The following GLI2 variants were observed in gnomAD, a reference collection of about 807,000 sequenced individuals.
The protein encoded by GLI2 is transcription activator GLI2.
A neutral mutation model predicts 78.9 loss-of-function variants in GLI2; 22 were observed. The observed-to-expected ratio is 0.28, with a 90% CI of 0.20 to 0.40. GLI2 has a LOEUF of 0.40. GLI2 is among the 10% of genes least tolerant of loss of function. The pLI, the probability that GLI2 is intolerant of heterozygous loss-of-function variation, is 1.00. For synonymous variants in GLI2, 974 were observed against 963.7 expected (o/e 1.01, Z -0.20); for missense variants, 2,097 against 2,213.2 (o/e 0.95, Z 1.05).
At chr2:120,829,140 C>T (rs138306760) in intron 2 of GLI2, among the ~76,000 whole-genome samples, 159 of 152,260 alleles carry the variant, frequency 1.0e-3, no homozygotes, top group African/African-American at 3.5e-3. Flanking sequence ...ACCATCACCA[C>T]GTGCACACCC....
intron 2 of GLI2, among the ~76,000 whole-genome samples, chr2:120,850,702 GGAGGGACTCCAGAA>G (rs1687366024): frequency 6.6e-6 from 1 of 152,150 alleles, no homozygotes; most frequent in South Asian, 2.1e-4. Flanking sequence ...GGATTCCAGG[GGAGGGACTCCAGAA>G]GAGGGCTGCA....
intron 1 of GLI2, among the ~76,000 whole-genome samples, chr2:120,774,918 C>G (rs1232323445): frequency 6.6e-6 from 1 of 152,214 alleles, no homozygotes; most frequent in East Asian, 1.9e-4. Context: ...TGTGATGTGG[C>G]CCCCTGCCCA....
rs1029989575 is a variant in GLI2 at position 120,991,018 on chromosome 2, C to T, written c.*343C>T. ...TAACGAGGGATTACTTTGGCCAAAA[C>T]CTTTCAAAGGATATGCAGAAAGATG... On this transcript the variant is annotated 3_prime_UTR_variant, in exon 14 of 14. Transcript: ENST00000361492. 3.8e-6 allele frequency: 1 copy of T among 262,958 alleles called. No homozygotes were observed. The highest frequency in any genetic ancestry group is 7.2e-6 in the Non-Finnish European group (1 of 137,970). 16.3% of individuals were successfully genotyped at this position (262,958 alleles called of 1,614,324 possible).
intron 2 of GLI2, among the ~76,000 whole-genome samples, chr2:120,819,850 A>G (rs1685680076): frequency 6.6e-6 from 1 of 152,208 alleles, no homozygotes; most frequent in Non-Finnish European, 1.5e-5. Flanking sequence ...AAGAGAAGTC[A>G]TTTCCAGATA....
intron 2 of GLI2, among the ~76,000 whole-genome samples, chr2:120,909,827 T>G (rs1021402247): frequency 5.3e-5 from 8 of 152,210 alleles, no homozygotes; most frequent in Non-Finnish European, 1.2e-4. Context: ...ATCACGCCAC[T>G]GCACTCCGGC....
chr2:120,800,907 G>A lies in GLI2; in HGVS notation c.148+3439G>A, dbSNP rs905364165. On this transcript the variant is annotated intron_variant, in intron 2 of 13. Transcript: ENST00000361492. The surrounding 1 kb of genome is among the most constrained non-coding windows in gnomAD (Gnocchi z 4.1). ...ATCTGAGGATGTCAGGGGCGCAGTG[G>A]TGAGGAAACAGCCAAATCCTGCAAG... 2.0e-5 allele frequency among the ~76,000 whole-genome samples: 3 copies of A among 152,178 alleles called. No homozygotes were observed. Among genetic ancestry groups the A allele is most frequent in the East Asian group, 1.9e-4 (1 of 5,190 alleles).
chr2:120,934,021 C>T (rs1199318075), intron 3 of GLI2, among the ~76,000 whole-genome samples: 1 of 152,228 alleles, frequency 6.6e-6, no homozygotes, highest in African/African-American at 2.4e-5. Context: ...TGCCCATTCT[C>T]AGGCCCTGGC....
chr2:120,945,849 C>G (rs1680680044), intron 3 of GLI2, among the ~76,000 whole-genome samples: 2 of 152,228 alleles, frequency 1.3e-5, no homozygotes, highest in South Asian at 4.1e-4. Flanking sequence ...ATCACCTGGG[C>G]TCAGGTCATG....
At chr2:120,817,991 CA>C (rs1488881918) in intron 2 of GLI2, among the ~76,000 whole-genome samples, 1 of 152,226 alleles carries the variant, frequency 6.6e-6, no homozygotes, top group Non-Finnish European at 1.5e-5. Context: ...CTGGTTTGCC[CA>C]GGGCCTCACA....
At chr2:120,944,728 C>G (rs1349363330) in intron 3 of GLI2, among the ~76,000 whole-genome samples, 1 of 152,250 alleles carries the variant, frequency 6.6e-6, no homozygotes, top group Non-Finnish European at 1.5e-5. Flanking sequence ...CCACCTCCAG[C>G]TCTGCAACCG....
intron 2 of GLI2, among the ~76,000 whole-genome samples, chr2:120,809,994 C>T (rs1167266438): frequency 6.6e-6 from 1 of 152,204 alleles, no homozygotes; most frequent in African/African-American, 2.4e-5. Context: ...GAGAGATGCC[C>T]TGTGAGCATT....
At position 120,852,125 on chromosome 2, in the gene GLI2, G is replaced by C. The variant is rs138910798; in HGVS notation, c.148+54657G>C. ...CCCAGGCCCAGAGTGAGTGGGGAAG[G>C]CCCTAAGGGAGTTGTAGGATTAGAA... On this transcript the variant is annotated intron_variant, in intron 2 of 13. Coordinates refer to ENST00000361492, the MANE Select transcript of GLI2 (RefSeq NM_001374353.1). Among the ~76,000 whole-genome samples the C allele has an allele frequency of 5.8e-3, 884 of 152,330 alleles. 7 individuals carry two copies. The highest frequency in any genetic ancestry group is 8.0e-3 in the Non-Finnish European group (547 of 68,022).
chr2:120,766,285 A>G (rs2104651387), intron 1 of GLI2, among the ~76,000 whole-genome samples: 1 of 152,338 alleles, frequency 6.6e-6, no homozygotes, highest in Non-Finnish European at 1.5e-5. Context: ...CCTGCCACCC[A>G]GACAGTGTGA....
At position 120,984,640 on chromosome 2, in the gene GLI2, C is replaced by A. The variant is rs763082072; in HGVS notation, c.1802C>A (p.Ala601Asp). ...PLLKENGDSE[A>D]GTEPGGPEST... is the part of the protein sequence containing the mutation. ...CTCAAAGAGAATGGGGACAGTGAGG[C>A]CGGCACGGAGCCTGGCGGCCCAGAG... Residue 601 changes from alanine (A) to aspartate (D), a missense_variant, in exon 12 of 14, where the codon GCC (alanine) becomes GAC (aspartate). Physicochemically the swap from Ala to Asp is moderately radical, Grantham distance 126. Around this residue, in one of 5 missense-constraint regions of GLI2, gnomAD observed 57 missense variants for 44.5 expected, o/e 1.28. Transcript: ENST00000361492. The A allele has an allele frequency of 6.2e-7, 1 of 1,614,164 alleles. No homozygotes were observed. Among genetic ancestry groups the A allele is most frequent in the Non-Finnish European group, 8.5e-7 (1 of 1,180,016 alleles).
chr2:120,913,156 CT>C (rs1225058021), intron 2 of GLI2, among the ~76,000 whole-genome samples: 1 of 152,192 alleles, frequency 6.6e-6, no homozygotes, highest in Non-Finnish European at 1.5e-5. Context: ...ATTGATGGGA[CT>C]TTTACTAAGC....
At chr2:120,816,361 A>G (rs1421622054) in intron 2 of GLI2, among the ~76,000 whole-genome samples, 3 of 151,924 alleles carry the variant, frequency 2.0e-5, no homozygotes, top group African/African-American at 7.3e-5. Flanking sequence ...ATGCCCGGCT[A>G]ATTTTTGTAT....
At chr2:120,756,736 A>G (rs1558781837) in intron 1 of GLI2, among the ~76,000 whole-genome samples, 1 of 152,152 alleles carries the variant, frequency 6.6e-6, no homozygotes. Flanking sequence ...TTTCTTTATC[A>G]TCTCTACTAA....
intron 1 of GLI2, among the ~76,000 whole-genome samples, chr2:120,778,875 A>C (rs1683758222): frequency 6.6e-6 from 1 of 152,212 alleles, no homozygotes; most frequent in Non-Finnish European, 1.5e-5. Flanking sequence ...GTTGAACCAG[A>C]GGAAGGTGTA....
rs927249377 is a variant in GLI2 at position 120,976,690 on chromosome 2, A to G, written c.1317+1581A>G. The stretch of plus-strand genomic sequence containing the variant: ...AGCAGGCACGGAATTCCTCAGATGA[A>G]TGCGGAGGGTCCCCAAACTGGGAGG... On this transcript the variant is annotated intron_variant, in intron 9 of 13. Coordinates refer to ENST00000361492, the MANE Select transcript of GLI2 (RefSeq NM_001374353.1). Among the ~76,000 whole-genome samples, 5 of 152,318 alleles carry G rather than the reference A, an allele frequency of 3.3e-5. No individual in the cohort carries two copies. The South Asian group carries it at 1.0e-3, about 32-fold the overall frequency.
Sources: gnomAD v4.1 joint callset for allele counts (sites outside exome capture counted in the v4.1 genomes callset) on GRCh38, gnomAD v4.1.1 for gene constraint, gnomAD v4.1.1 regional missense constraint, Gnocchi (gnomAD v3.1) non-coding constraint, MANE v1.5 for transcripts, NCBI Gene and HGNC (gene_info 2026-07-23, HGNC 2026-07-21) for gene names.